The following NRXN1 variants were observed in gnomAD, a reference collection of about 807,000 sequenced individuals.
NRXN1 encodes the protein neurexin-1.
Under a neutral mutation model 150.9 loss-of-function variants are expected in NRXN1, and 39 were observed. The ratio of observed to expected loss-of-function variants is 0.26; its 90% CI spans 0.20 to 0.34. NRXN1 has a LOEUF of 0.34. Ranked by LOEUF, NRXN1 falls within the 10% of genes least tolerant of loss-of-function variation. The pLI is 1.00. For missense variants in NRXN1, 1,815 were observed against 1,949.9 expected (o/e 0.93, Z 1.30); for synonymous variants, 924 against 757.0 (o/e 1.22, Z -3.62).
intron 8 of NRXN1, among the ~76,000 whole-genome samples, chr2:50,597,556 G>A (rs1042095628): frequency 6.6e-5 from 10 of 151,892 alleles, no homozygotes; most frequent in African/African-American, 2.2e-4. Flanking sequence ...TTTCTCCCAC[G>A]TCTCCTCATT....
chr2:49,982,022 G>T (rs995954948), intron 21 of NRXN1, among the ~76,000 whole-genome samples: 1 of 152,044 alleles, frequency 6.6e-6, no homozygotes, highest in Non-Finnish European at 1.5e-5. Flanking sequence ...GACGTAGGTT[G>T]TTTTAGACTT....
intron 5 of NRXN1, among the ~76,000 whole-genome samples, chr2:50,703,546 G>C (rs1204507796): frequency 1.3e-5 from 2 of 152,238 alleles, no homozygotes; most frequent in South Asian, 4.1e-4. Context: ...TTCATTTAAA[G>C]TATGTTTTGG....
At chr2:50,827,148 A>C (rs1021055886) in intron 5 of NRXN1, among the ~76,000 whole-genome samples, 23 of 152,264 alleles carry the variant, frequency 1.5e-4, no homozygotes, top group Admixed American at 1.5e-3. Flanking sequence ...CCTTGGTAAC[A>C]GTCTATTCAA....
rs116420122 is a variant in NRXN1 at position 50,510,701 on chromosome 2, G to T, written c.2375-4084C>A. On this transcript the variant is annotated intron_variant, in intron 12 of 22. Transcript: ENST00000401669. ...TAGTTAAAGAAGCAGATTTAAAAGT[G>T]TTGAGCGAATTATTAAGTCTCAAAG... 6.7e-3 allele frequency among the ~76,000 whole-genome samples: 1,024 copies of T among 152,220 alleles called. 5 individuals carry two copies. The highest frequency in any genetic ancestry group is 0.024 in the African/African-American group (992 of 41,558).
intron 5 of NRXN1, among the ~76,000 whole-genome samples, chr2:50,905,893 T>C (rs529864478): frequency 3.9e-5 from 6 of 152,136 alleles, no homozygotes; most frequent in South Asian, 2.1e-4. Context: ...TTTAACACTA[T>C]TGAATAGAAA....
At chr2:50,085,425 G>A (rs1041552051) in intron 19 of NRXN1, among the ~76,000 whole-genome samples, 19 of 152,076 alleles carry the variant, frequency 1.2e-4, no homozygotes, top group African/African-American at 4.6e-4. Flanking sequence ...TTAGAGGAAG[G>A]AAAAAAATTA....
intron 12 of NRXN1, among the ~76,000 whole-genome samples, chr2:50,526,074 A>G (rs1220769303): frequency 5.9e-5 from 9 of 152,166 alleles, no homozygotes; most frequent in Non-Finnish European, 1.3e-4. Flanking sequence ...CACTATGTAT[A>G]TTTTCCATAT....
At chr2:50,604,544 CA>C (rs571595505) in intron 8 of NRXN1, among the ~76,000 whole-genome samples, 2 of 152,154 alleles carry the variant, frequency 1.3e-5, no homozygotes, top group Non-Finnish European at 2.9e-5. Flanking sequence ...ATACCCTAAA[CA>C]CATCATTTAT....
intron 18 of NRXN1, among the ~76,000 whole-genome samples, chr2:50,122,576 C>A (rs946366516): frequency 6.6e-6 from 1 of 152,200 alleles, no homozygotes; most frequent in Non-Finnish European, 1.5e-5. Flanking sequence ...TCTGACATCA[C>A]CTCCTCACAT....
At chr2:50,091,274 C>T in intron 19 of NRXN1, 49 bp downstream of exon 19, 1 of 1,602,310 alleles carries the variant, frequency 6.2e-7, no homozygotes, top group Non-Finnish European at 8.5e-7. Flanking sequence ...CTTTTTCTTC[C>T]AGTTTGTTTT....
intron 16 of NRXN1, among the ~76,000 whole-genome samples, chr2:50,471,588 C>T (rs536951012): frequency 2.9e-4 from 44 of 151,868 alleles, no homozygotes; most frequent in African/African-American, 1.0e-3. Context: ...GTCTTTCTGA[C>T]ATAGTGACTT....
intron 2 of NRXN1, among the ~76,000 whole-genome samples, chr2:50,984,802 A>T (rs1697429539): frequency 6.6e-6 from 1 of 152,074 alleles, no homozygotes; most frequent in Non-Finnish European, 1.5e-5. Flanking sequence ...CAAGTCAGTG[A>T]CAAAGGGAAT....
chr2:50,295,300 G>A (rs753208632), intron 17 of NRXN1, among the ~76,000 whole-genome samples: 1 of 152,134 alleles, frequency 6.6e-6, no homozygotes, highest in African/African-American at 2.4e-5. Context: ...AACCAAGAGA[G>A]TTTGGATAGG....
chr2:50,473,767 C>G (rs2089735463), intron 15 of NRXN1, among the ~76,000 whole-genome samples: 1 of 151,994 alleles, frequency 6.6e-6, no homozygotes, highest in South Asian at 2.1e-4. Context: ...CTGTGAGTAA[C>G]AAATTCCTTG....
chr2:50,968,790 C>T (rs1243763620), intron 2 of NRXN1, among the ~76,000 whole-genome samples: 1 of 151,980 alleles, frequency 6.6e-6, no homozygotes, highest in Admixed American at 6.6e-5. Context: ...AGTTTTGTCC[C>T]TATTATGTCA....
chr2:50,749,320 G>A (rs1357086380), intron 5 of NRXN1, among the ~76,000 whole-genome samples: 1 of 152,028 alleles, frequency 6.6e-6, no homozygotes, highest in Admixed American at 6.6e-5. Flanking sequence ...AATTGGACTA[G>A]TTGGTTTCTG....
intron 5 of NRXN1, among the ~76,000 whole-genome samples, chr2:50,776,633 G>GAT (rs146965004): frequency 0.25 from 35,547 of 141,786 alleles, 4,522 homozygotes; most frequent in East Asian, 0.46. Context: ...CATATAGTGA[G>GAT]ATATATATAT....
chr2:50,634,603 T>C (rs1355991849), intron 5 of NRXN1, among the ~76,000 whole-genome samples: 1 of 152,228 alleles, frequency 6.6e-6, no homozygotes, highest in Admixed American at 6.5e-5. Flanking sequence ...CATCTCTTAA[T>C]ATCTTGGGCA....
intron 15 of NRXN1, among the ~76,000 whole-genome samples, chr2:50,485,621 C>G (rs1334900190): frequency 1.3e-5 from 2 of 152,208 alleles, no homozygotes; most frequent in Non-Finnish European, 2.9e-5. Flanking sequence ...TCCATGGAAA[C>G]TCCTCGTGGG....
Sources: allele counts gnomAD v4.1 joint callset (sites outside exome capture counted in the v4.1 genomes callset), GRCh38; gene constraint gnomAD v4.1.1; transcripts MANE v1.5; gene names NCBI Gene and HGNC (gene_info 2026-07-23, HGNC 2026-07-21).